The following RPTOR variants were observed in gnomAD, a reference collection of about 807,000 sequenced individuals.
The protein encoded by RPTOR is regulatory associated protein of MTOR complex 1.
In RPTOR, 21 loss-of-function variants were observed where a neutral mutation model predicts 169.9. That is an observed-to-expected ratio of 0.12 (90% CI 0.09 to 0.18). RPTOR has a LOEUF of 0.18. Ranked by LOEUF, RPTOR falls within the 10% of genes least tolerant of loss-of-function variation. The pLI, the probability that RPTOR is intolerant of heterozygous loss-of-function variation, is 1.00. For missense variants in RPTOR, 1,133 were observed against 1,855.9 expected, an observed-to-expected ratio of 0.61 and a Z score of 7.16; for synonymous variants, 732 against 753.2, an observed-to-expected ratio of 0.97 and a Z score of 0.46.
chr17:80,723,428 G>A (rs2066303777), intron 4 of RPTOR, among the ~76,000 whole-genome samples: 1 of 150,936 alleles, frequency 6.6e-6, no homozygotes, highest in South Asian at 2.1e-4. Flanking sequence ...TATTTACTTG[G>A]TTGTTTGTTT....
chr17:80,719,775 T>G (rs904321195), intron 4 of RPTOR, among the ~76,000 whole-genome samples: 2 of 152,188 alleles, frequency 1.3e-5, no homozygotes, highest in Non-Finnish European at 2.9e-5. Context: ...ACATCACCAG[T>G]AAACCCCAGT....
chr17:80,648,373 C>G (rs1375268768), intron 3 of RPTOR, among the ~76,000 whole-genome samples: 1 of 151,910 alleles, frequency 6.6e-6, no homozygotes, highest in Admixed American at 6.6e-5. Flanking sequence ...TGTGTAATTC[C>G]ATGTTGTTTA....
chr17:80,659,224 C>A lies in RPTOR; in HGVS notation c.348+15414C>A, dbSNP rs537576932. The stretch of plus-strand genomic sequence containing the variant: ...AGCTGCACTCATGCACACAGGGTGA[C>A]CCTGGGTGAAATGTAGGCTCCATGG... On this transcript the variant is annotated intron_variant, in intron 3 of 33. Coordinates refer to ENST00000306801, the MANE Select transcript of RPTOR (RefSeq NM_020761.3). This position sits in a 1 kb window ranked among gnomAD's most constrained non-coding sequence, Gnocchi z 4.3. Among the ~76,000 whole-genome samples, 9 of 152,250 alleles carry A rather than the reference C, an allele frequency of 5.9e-5. No homozygotes were observed. Among genetic ancestry groups the A allele is most frequent in the African/African-American group, 2.2e-4 (9 of 41,558 alleles).
chr17:80,822,838 G>C (rs1458283422), intron 8 of RPTOR, among the ~76,000 whole-genome samples: 6 of 152,010 alleles, frequency 3.9e-5, no homozygotes, highest in Non-Finnish European at 8.8e-5. Flanking sequence ...TATCTGTATA[G>C]GTACACACCT....
intron 4 of RPTOR, chr17:80,709,135 G>T (rs145362444): frequency 1.2e-4 from 116 of 973,088 alleles, no homozygotes; most frequent in Middle Eastern, 1.1e-3. Flanking sequence ...AGCTCCTCCC[G>T]CAGGGCACAG....
chr17:80,880,266 G>T (rs760112591), intron 13 of RPTOR, 149 bp from the exon 14 acceptor site: 113 of 686,906 alleles, frequency 1.6e-4, no homozygotes, highest in Non-Finnish European at 2.6e-4. Context: ...ACCGGCTGCA[G>T]CTGTTTTTCA....
rs1326447797 is a variant in RPTOR, at chr17:80,820,651, C to T, written c.891-1550C>T. Among the ~76,000 whole-genome samples, 1 of 152,222 alleles carries T rather than the reference C, an allele frequency of 6.6e-6. No individual in the cohort carries two copies. The highest frequency in any genetic ancestry group is 6.5e-5 in the Admixed American group (1 of 15,282). On this transcript the variant is annotated intron_variant, in intron 7 of 33. Coordinates refer to ENST00000306801, the MANE Select transcript of RPTOR (RefSeq NM_020761.3). This position sits in a 1 kb window ranked among gnomAD's most constrained non-coding sequence, Gnocchi z 4.1. Reference sequence around the variant, plus strand: ...CCCTGCTCGGAGGTCGGAGGGCAGGCAGCCTGGCCATTCCTCCTGCGCACA... The same window carrying T: ...CCCTGCTCGGAGGTCGGAGGGCAGGTAGCCTGGCCATTCCTCCTGCGCACA...
intron 5 of RPTOR, among the ~76,000 whole-genome samples, chr17:80,742,625 G>A (rs34285166): frequency 0.37 from 56,492 of 150,750 alleles, 11,326 homozygotes; most frequent in African/African-American, 0.53. Flanking sequence ...ACATACACAC[G>A]CACATATACA....
chr17:80,732,018 A>T (rs1420025046), intron 5 of RPTOR, among the ~76,000 whole-genome samples: 2 of 152,222 alleles, frequency 1.3e-5, no homozygotes, highest in East Asian at 3.8e-4. Context: ...GGAAAGAAAG[A>T]TCAAGGTTTG....
chr17:80,889,715 A>G (rs994467075), intron 17 of RPTOR, among the ~76,000 whole-genome samples: 1 of 152,212 alleles, frequency 6.6e-6, no homozygotes, highest in Non-Finnish European at 1.5e-5. Flanking sequence ...AAGGGCAGGA[A>G]GGGTCCAACG....
chr17:80,742,175 G>A (rs769161099), intron 5 of RPTOR, among the ~76,000 whole-genome samples: 10 of 152,138 alleles, frequency 6.6e-5, no homozygotes, highest in Admixed American at 3.3e-4. Context: ...GTTTGTTTTC[G>A]TCACATGGAC....
At chr17:80,814,271 C>T (rs914711702) in intron 7 of RPTOR, among the ~76,000 whole-genome samples, 3 of 152,064 alleles carry the variant, frequency 2.0e-5, no homozygotes, top group Non-Finnish European at 2.9e-5. Context: ...GTATGTTTTC[C>T]GTGTAGATTA....
chr17:80,554,314 T>C (rs2084379798), intron 1 of RPTOR, among the ~76,000 whole-genome samples: 1 of 152,200 alleles, frequency 6.6e-6, no homozygotes, highest in Non-Finnish European at 1.5e-5. Flanking sequence ...AATTTTGTTG[T>C]AATATCAAAT....
intron 21 of RPTOR, 86 bp downstream of exon 21, chr17:80,909,015 T>A (rs2068579543): frequency 2.2e-6 from 2 of 889,948 alleles, no homozygotes; most frequent in Non-Finnish European, 3.7e-6. Flanking sequence ...TGTGCCCGGG[T>A]CCACACCACA....
In RPTOR at chr17:80,732,601, G is replaced by A. The variant is rs1002410880; in HGVS notation, c.654+1895G>A. 4.6e-5 allele frequency among the ~76,000 whole-genome samples: 7 copies of A among 152,206 alleles called. No individual in the cohort carries two copies. The East Asian group carries it at 5.8e-4, about 13-fold the overall frequency. On this transcript the variant is annotated intron_variant, in intron 5 of 33. Coordinates refer to ENST00000306801, the MANE Select transcript of RPTOR (RefSeq NM_020761.3). ...ATAGATGGCAAGGCAATGCGATACC[G>A]TATGTCTTTAATTAGCTCTGATTTT...
chr17:80,658,133 A>T (rs2065693995), intron 3 of RPTOR, among the ~76,000 whole-genome samples: 2 of 152,116 alleles, frequency 1.3e-5, no homozygotes, highest in African/African-American at 2.4e-5. Context: ...ATGGGGTTGG[A>T]GTTTCTATGT....
Position 80,897,664 on chromosome 17 carries a change from G to A in RPTOR, c.2401+3799G>A, listed in dbSNP as rs143565534. On this transcript the variant is annotated intron_variant, in intron 20 of 33. Transcript: ENST00000306801. The stretch of plus-strand genomic sequence containing the variant: ...TTGGGCGCTCCCCATTGGCATTCAC[G>A]AGTGGGTTGGGCTGTGACTTTTCTT... 1.2e-4 allele frequency among the ~76,000 whole-genome samples: 18 copies of A among 152,320 alleles called. No individual in the cohort carries two copies. The South Asian group carries it at 2.1e-3, about 18-fold the overall frequency.
chr17:80,894,264 G>A (rs547492112), intron 20 of RPTOR, among the ~76,000 whole-genome samples: 2 of 152,310 alleles, frequency 1.3e-5, no homozygotes, highest in East Asian at 1.9e-4. Context: ...TACAGTAGGG[G>A]TGCTCCTTGT....
At chr17:80,924,755 G>A (rs1447872671) in intron 23 of RPTOR, among the ~76,000 whole-genome samples, 1 of 152,218 alleles carries the variant, frequency 6.6e-6, no homozygotes, top group Non-Finnish European at 1.5e-5. Context: ...GACGCCAGCA[G>A]GCCACATGGC....
Sources: gnomAD v4.1 joint callset for allele counts (sites outside exome capture counted in the v4.1 genomes callset) on GRCh38, gnomAD v4.1.1 for gene constraint, Gnocchi (gnomAD v3.1) non-coding constraint, MANE v1.5 for transcripts, NCBI Gene and HGNC (gene_info 2026-07-23, HGNC 2026-07-21) for gene names.